The following ARHGAP35 variants were observed in gnomAD, a reference collection of about 807,000 sequenced individuals.
ARHGAP35 encodes rho GTPase-activating protein 35.
A neutral mutation model predicts 111.1 loss-of-function variants in ARHGAP35; 15 were observed. The ratio of observed to expected loss-of-function variants is 0.13; its 90% confidence interval spans 0.09 to 0.21. The LOEUF (loss-of-function observed/expected upper bound fraction) is 0.21. ARHGAP35 is among the 10% of genes least tolerant of loss of function. ARHGAP35 has a pLI of 1.00. For missense variants in ARHGAP35, 1,262 were observed against 1,873.0 expected (o/e 0.67, Z 6.02); for synonymous variants, 643 against 710.3 (o/e 0.91, Z 1.51).
In ARHGAP35 at chr19:46,993,716, C is replaced by T. The variant is rs752117340; in HGVS notation, c.4036+4041C>T. Among the ~76,000 whole-genome samples the T allele has an allele frequency of 4.6e-4, 70 of 152,106 alleles. No homozygotes were observed. The highest frequency in any genetic ancestry group is 8.4e-4 in the Non-Finnish European group (57 of 68,012). ...GTTTCTTGTTGTCTCAGTCGATGGC[C>T]CCTAAGTTCAAAAGTATGATGTCCC... is the stretch of plus-strand genomic sequence containing the variant. On this transcript the variant is annotated intron_variant, in intron 5 of 6. Coordinates refer to ENST00000672722, the MANE Select transcript of ARHGAP35 (RefSeq NM_004491.5). The surrounding 1 kb of genome is among the most constrained non-coding windows in gnomAD (Gnocchi z 4.6).
intron 1 of ARHGAP35, among the ~76,000 whole-genome samples, chr19:46,900,627 C>T (rs2056079768): frequency 6.6e-6 from 1 of 152,184 alleles, no homozygotes; most frequent in South Asian, 2.1e-4. Context: ...TCTTTGGACA[C>T]TAATTCATTA....
In ARHGAP35 at chr19:46,922,983, A is replaced by C. The variant is rs1282233209; in HGVS notation, c.3681+627A>C. ...GGAGTTGCTGCTGCTATCAGTCAGA[A>C]ACTCGGATTTTATTTAGGGATCACA... is the stretch of plus-strand genomic sequence containing the variant. On this transcript the variant is annotated intron_variant, in intron 2 of 6. Transcript: ENST00000672722. The surrounding 1 kb of genome is among the most constrained non-coding windows in gnomAD (Gnocchi z 4.0). Among the ~76,000 whole-genome samples, 3 of 152,230 alleles carry C rather than the reference A, an allele frequency of 2.0e-5. No homozygotes were observed. Among genetic ancestry groups the C allele is most frequent in the Non-Finnish European group, 4.4e-5 (3 of 68,040 alleles).
chr19:46,934,307 T>A (rs1052861209), intron 2 of ARHGAP35, among the ~76,000 whole-genome samples: 4 of 152,220 alleles, frequency 2.6e-5, no homozygotes, highest in African/African-American at 7.2e-5. Flanking sequence ...GAGCATTGTT[T>A]GAATCATTGT....
chr19:46,874,719 G>C (rs2122123157), intron 1 of ARHGAP35, among the ~76,000 whole-genome samples: 1 of 150,966 alleles, frequency 6.6e-6, no homozygotes, highest in Admixed American at 6.6e-5. Flanking sequence ...TGGTCAGGCT[G>C]GTCTCGAACT....
chr19:46,900,909 T>C (rs922298735), intron 1 of ARHGAP35, among the ~76,000 whole-genome samples: 3 of 152,224 alleles, frequency 2.0e-5, no homozygotes, highest in Non-Finnish European at 4.4e-5. Context: ...TGGGACCTGC[T>C]CTGGCCATCC....
At chr19:46,928,229 TAAAAAA>T (rs555299788) in intron 2 of ARHGAP35, among the ~76,000 whole-genome samples, 3 of 151,610 alleles carry the variant, frequency 2.0e-5, no homozygotes, top group Non-Finnish European at 4.4e-5. Context: ...TACCTGTTCT[TAAAAAA>T]AAATTACGAT....
intron 5 of ARHGAP35, among the ~76,000 whole-genome samples, chr19:46,998,162 G>A (rs1015988687): frequency 2.6e-5 from 4 of 151,864 alleles, no homozygotes; most frequent in African/African-American, 2.4e-5. Context: ...CACCCCTCCC[G>A]GATTCATCAG....
intron 3 of ARHGAP35, among the ~76,000 whole-genome samples, chr19:46,968,710 G>A (rs1353639860): frequency 2.0e-5 from 3 of 152,154 alleles, no homozygotes; most frequent in African/African-American, 7.2e-5. Flanking sequence ...GCTAAGTGAG[G>A]TAAACTAGTC....
At chr19:46,980,183 A>G (rs1330998602) in intron 3 of ARHGAP35, among the ~76,000 whole-genome samples, 4 of 152,096 alleles carry the variant, frequency 2.6e-5, no homozygotes, top group African/African-American at 9.7e-5. Context: ...TCAGGAGTTC[A>G]AGACCAGCCT....
At chr19:46,884,563 T>C in intron 1 of ARHGAP35, among the ~76,000 whole-genome samples, 2 of 149,232 alleles carry the variant, frequency 1.3e-5, no homozygotes. Flanking sequence ...CGCAGTGGCA[T>C]GCTCACAGCT....
intron 1 of ARHGAP35, among the ~76,000 whole-genome samples, chr19:46,914,718 GT>G (rs2056154974): frequency 6.6e-6 from 1 of 152,106 alleles, no homozygotes; most frequent in Non-Finnish European, 1.5e-5. Context: ...TATAACCAAG[GT>G]GTTGAATGGA....
At chr19:46,960,032 C>T (rs536976911) in intron 3 of ARHGAP35, among the ~76,000 whole-genome samples, 20 of 148,654 alleles carry the variant, frequency 1.3e-4, no homozygotes, top group Non-Finnish European at 2.7e-4. Flanking sequence ...ATTGCTTGAT[C>T]CCAGGAATTC....
At chr19:46,923,427 C>T (rs1170964852) in intron 2 of ARHGAP35, among the ~76,000 whole-genome samples, 2 of 152,040 alleles carry the variant, frequency 1.3e-5, no homozygotes. Flanking sequence ...GATGAAGTCT[C>T]TTATCCTGCG....
chr19:46,943,357 C>T (rs1173857465), intron 3 of ARHGAP35, among the ~76,000 whole-genome samples: 6 of 152,182 alleles, frequency 3.9e-5, no homozygotes, highest in African/African-American at 7.2e-5. Context: ...GTGGTGGACG[C>T]GGGACTGCTG....
Position 46,862,532 on chromosome 19 carries a change from C to T in ARHGAP35, c.-189+1323C>T, listed in dbSNP as rs538459268. Among the ~76,000 whole-genome samples the T allele has an allele frequency of 1.4e-3, 213 of 152,230 alleles. 1 individual carries two copies. The highest frequency in any genetic ancestry group is 4.9e-3 in the African/African-American group (204 of 41,530). On this transcript the variant is annotated intron_variant, in intron 1 of 6. Coordinates refer to ENST00000672722, the MANE Select transcript of ARHGAP35 (RefSeq NM_004491.5). ...GCTGGTCACCCATCCCCTTCCTGTTCTGCATCTCACAGACCTGCCCCTAGA... is the reference window on the plus strand; with the variant it reads ...GCTGGTCACCCATCCCCTTCCTGTTTTGCATCTCACAGACCTGCCCCTAGA...
chr19:46,865,096 G>A (rs1013220952), intron 1 of ARHGAP35, among the ~76,000 whole-genome samples: 4 of 152,214 alleles, frequency 2.6e-5, no homozygotes, highest in Admixed American at 2.6e-4. Flanking sequence ...GCTAGCAGAG[G>A]CCCTAACTCC....
At chr19:46,939,131 T>G (rs1372700279) in intron 3 of ARHGAP35, among the ~76,000 whole-genome samples, 3 of 152,130 alleles carry the variant, frequency 2.0e-5, no homozygotes, top group Non-Finnish European at 2.9e-5. Flanking sequence ...CGGTTTCTCA[T>G]TGTCCATCTT....
At chr19:46,885,668 C>T (rs1310989755) in intron 1 of ARHGAP35, among the ~76,000 whole-genome samples, 1 of 152,160 alleles carries the variant, frequency 6.6e-6, no homozygotes, top group Non-Finnish European at 1.5e-5. Context: ...GGTTTGTCTT[C>T]TTGATCTCTA....
rs1362095085 is a variant in ARHGAP35 at position 46,861,071 on chromosome 19, C to G, written c.-327C>G. On this transcript the variant is annotated 5_prime_UTR_variant, in exon 1 of 7. Transcript: ENST00000672722. ...GAGGAGGGAACCCGCGAGGGAGGGT[C>G]CGCCCGGCCCCCCGCCGCCGGAGCC... Among the ~76,000 whole-genome samples the G allele has an allele frequency of 6.6e-6, 1 of 150,590 alleles. No individual in the cohort carries two copies. Among genetic ancestry groups the G allele is most frequent in the Non-Finnish European group, 1.5e-5 (1 of 67,410 alleles).
Sources: gnomAD v4.1 joint callset for allele counts (sites outside exome capture counted in the v4.1 genomes callset) on GRCh38, gnomAD v4.1.1 for gene constraint, Gnocchi (gnomAD v3.1) non-coding constraint, MANE v1.5 for transcripts, NCBI Gene and HGNC (gene_info 2026-07-23, HGNC 2026-07-21) for gene names.